GAB2: variants seen among roughly 807,000 people sequenced by gnomAD.
The protein encoded by GAB2 is GRB2-associated-binding protein 2.
Under a neutral mutation model 65.5 loss-of-function variants are expected in GAB2, and 26 were observed. The observed-to-expected ratio is 0.40, with a 90% CI of 0.29 to 0.55. GAB2 has a LOEUF of 0.55. Ranked by LOEUF, GAB2 falls within the 20% of genes least tolerant of loss-of-function variation. GAB2 has a pLI of 0.53. For missense variants in GAB2, 884 were observed against 875.8 expected (o/e 1.01, Z -0.12); for synonymous variants, 321 against 329.6 (o/e 0.97, Z 0.28).
intron 5 of GAB2, 22 bp from the exon 6 acceptor site, chr11:78,223,698 G>T: frequency 6.4e-7 from 1 of 1,559,234 alleles, no homozygotes; most frequent in Non-Finnish European, 8.7e-7. Context: ...AACAGTGAAA[G>T]AAATACAGCT....
intron 1 of GAB2, among the ~76,000 whole-genome samples, chr11:78,326,357 TGA>T (rs1420094404): frequency 1.3e-5 from 2 of 152,192 alleles, no homozygotes; most frequent in Non-Finnish European, 2.9e-5. Flanking sequence ...AAGGTCACAC[TGA>T]GAAACTTTTA....
Position 78,256,433 on chromosome 11 carries a change from T to C in GAB2, c.377-6033A>G, listed in dbSNP as rs140530503. Among the ~76,000 whole-genome samples the C allele has an allele frequency of 3.3e-3, 499 of 152,318 alleles. 2 individuals are homozygous for C. Among genetic ancestry groups the C allele is most frequent in the African/African-American group, 0.011 (475 of 41,576 alleles). On this transcript the variant is annotated intron_variant, in intron 2 of 9. Coordinates refer to ENST00000361507, the MANE Select transcript of GAB2 (RefSeq NM_080491.3). ...AATGATTTCATTTATGTGAAATATC[T>C]AGAAGAGGCAAATCTGCAGGGATGT...
chr11:78,224,159 A>G (rs1343192017), intron 5 of GAB2, among the ~76,000 whole-genome samples: 2 of 152,216 alleles, frequency 1.3e-5, no homozygotes, highest in Non-Finnish European at 2.9e-5. Flanking sequence ...TCAAGCCTTC[A>G]CGATCCTTTG....
At chr11:78,388,637 T>A (rs1856797624) in intron 1 of GAB2, among the ~76,000 whole-genome samples, 2 of 152,196 alleles carry the variant, frequency 1.3e-5, no homozygotes, top group South Asian at 4.1e-4. Flanking sequence ...ATCATATTGT[T>A]TATAGATGGG....
chr11:78,396,036 G>A (rs573819460), intron 1 of GAB2, among the ~76,000 whole-genome samples: 2 of 152,306 alleles, frequency 1.3e-5, no homozygotes, highest in African/African-American at 4.8e-5. Context: ...CATCTTGCAG[G>A]TGAATGCTGA....
intron 1 of GAB2, among the ~76,000 whole-genome samples, chr11:78,380,106 G>A (rs566578915): frequency 2.6e-5 from 4 of 152,170 alleles, no homozygotes; most frequent in East Asian, 3.9e-4. Context: ...AGAGAGTGCC[G>A]GACTATAAAT....
intron 1 of GAB2, among the ~76,000 whole-genome samples, chr11:78,285,059 C>G (rs1374600645): frequency 6.6e-6 from 1 of 152,194 alleles, no homozygotes; most frequent in East Asian, 1.9e-4. Context: ...AATTTAAAAT[C>G]TTAACCCGGT....
rs58702736 is a variant in GAB2, at chr11:78,244,575, C to CA, written c.620+5581dup. 4.2e-3 allele frequency among the ~76,000 whole-genome samples: 519 copies of CA among 124,280 alleles called. 9 individuals are homozygous for CA. The highest frequency in any genetic ancestry group is 0.031 in the Middle Eastern group (7 of 228). 81.5% of individuals were successfully genotyped at this position (124,280 alleles called of 152,430 possible). ...ACAAGGAACTCAAACAACTCAACAGCAAAAAAAAACAAATAATGGAGTTGA... is the reference window on the plus strand; with the variant it reads ...ACAAGGAACTCAAACAACTCAACAGCAAAAAAAAAACAAATAATGGAGTTGA... On this transcript the variant is annotated intron_variant, in intron 3 of 9. Coordinates refer to ENST00000361507, the MANE Select transcript of GAB2 (RefSeq NM_080491.3).
At chr11:78,276,111 CAAAA>C (rs539148797) in intron 2 of GAB2, among the ~76,000 whole-genome samples, 1 of 97,376 alleles carries the variant, frequency 1.0e-5, no homozygotes, top group African/African-American at 3.7e-5. Flanking sequence ...AAGACTGTCT[CAAAA>C]AAAAAAAAAA....
rs927579614 is a variant in GAB2 at position 78,217,708 on chromosome 11, C to T, written c.*1564G>A. On this transcript the variant is annotated 3_prime_UTR_variant, in exon 10 of 10. Coordinates refer to ENST00000361507, the MANE Select transcript of GAB2 (RefSeq NM_080491.3). ...GGAACCTTGGGTGATGCCCTACACC[C>T]CGTCCCTGCTAATCTGATGGCCTTT... 2 of 152,280 alleles carry T rather than the reference C, an allele frequency of 1.3e-5. No individual in the cohort carries two copies. The highest frequency in any genetic ancestry group is 6.5e-5 in the Admixed American group (1 of 15,284). The allele number at this position is 152,280 out of a possible 1,614,324, so 9.4% of individuals were successfully genotyped here.
chr11:78,361,553 T>C (rs1856435335), intron 1 of GAB2, among the ~76,000 whole-genome samples: 1 of 152,114 alleles, frequency 6.6e-6, no homozygotes, highest in South Asian at 2.1e-4. Context: ...TACAAATCAG[T>C]AAGAACATTA....
chr11:78,221,833 T>C, intron 7 of GAB2, 54 bp from the exon 8 acceptor site: 1 of 1,278,238 alleles, frequency 7.8e-7, no homozygotes, highest in South Asian at 1.2e-5. Flanking sequence ...TGCTGCCATG[T>C]TTCTAGCCTC....
chr11:78,365,004 G>T (rs779930332), intron 1 of GAB2, among the ~76,000 whole-genome samples: 1 of 151,998 alleles, frequency 6.6e-6, no homozygotes, highest in African/African-American at 2.4e-5. Context: ...ATTTCAACAG[G>T]GTTTTGGGGA....
chr11:78,291,575 T>C lies in GAB2; in HGVS notation c.76-10674A>G, dbSNP rs1450427790. On this transcript the variant is annotated intron_variant, in intron 1 of 9. Coordinates refer to ENST00000361507, the MANE Select transcript of GAB2 (RefSeq NM_080491.3). ...TTTTTCTTTTTCTTTTTTTTTTTTTTTTTTTTTTTTTTTTGCGACAGGGTC... is the reference window on the plus strand; with the variant it reads ...TTTTTCTTTTTCTTTTTTTTTTTTTCTTTTTTTTTTTTTTGCGACAGGGTC... 1.6e-4 allele frequency among the ~76,000 whole-genome samples: 19 copies of C among 120,636 alleles called. 1 individual carries two copies. Among genetic ancestry groups the C allele is most frequent in the African/African-American group, 4.3e-4 (14 of 32,866 alleles). The allele number at this position is 120,636 out of a possible 152,430, so 79.1% of individuals were successfully genotyped here.
At chr11:78,259,026 C>A (rs1283154031) in intron 2 of GAB2, among the ~76,000 whole-genome samples, 1 of 152,094 alleles carries the variant, frequency 6.6e-6, no homozygotes, top group Non-Finnish European at 1.5e-5. Flanking sequence ...CCTCCTCCTA[C>A]CCTCTACCCT....
intron 1 of GAB2, among the ~76,000 whole-genome samples, chr11:78,334,392 C>T (rs548320366): frequency 6.6e-6 from 1 of 152,174 alleles, no homozygotes; most frequent in Non-Finnish European, 1.5e-5. Context: ...ATCCCCACCT[C>T]TCTTACCACC....
At chr11:78,222,330 C>A in intron 6 of GAB2, 135 bp from the exon 7 acceptor site, 1 of 644,868 alleles carries the variant, frequency 1.6e-6, no homozygotes, top group Non-Finnish European at 2.9e-6. Flanking sequence ...AACTGACGCT[C>A]AGCGAGGTTG....
intron 1 of GAB2, among the ~76,000 whole-genome samples, chr11:78,345,825 T>A (rs2134697091): frequency 6.6e-6 from 1 of 152,270 alleles, no homozygotes; most frequent in African/African-American, 2.4e-5. Flanking sequence ...CAGAAGATAG[T>A]GGGAGACACC....
At chr11:78,263,899 A>ATTT (rs35453397) in intron 2 of GAB2, among the ~76,000 whole-genome samples, 1 of 142,560 alleles carries the variant, frequency 7.0e-6, no homozygotes, top group African/African-American at 2.6e-5. Flanking sequence ...TCTCCTGTCA[A>ATTT]TTTTTTTTTT....
Sources: gnomAD v4.1 joint callset for allele counts (sites outside exome capture counted in the v4.1 genomes callset) on GRCh38, gnomAD v4.1.1 for gene constraint, MANE v1.5 for transcripts, NCBI Gene and HGNC (gene_info 2026-07-23, HGNC 2026-07-21) for gene names.